The following SMNDC1 variants were observed in gnomAD, a reference collection of about 807,000 sequenced individuals.
The protein encoded by SMNDC1 is survival of motor neuron-related-splicing factor 30.
Under a neutral mutation model 29.2 loss-of-function variants are expected in SMNDC1, and 5 were observed. That is an observed-to-expected ratio of 0.17 (90% CI 0.09 to 0.36). The LOEUF is 0.36. Among genes scored for constraint, SMNDC1 ranks in the 10% least tolerant of loss-of-function variants. The probability of loss-of-function intolerance (pLI) is 1.00; values close to 1 mark genes in which losing one functional copy is unlikely to be tolerated. For synonymous variants in SMNDC1, 80 were observed against 89.9 expected (o/e 0.89, Z 0.62); for missense variants, 142 against 268.5 (o/e 0.53, Z 3.29).
In SMNDC1 at chr10:110,291,617, GAAAC is replaced by G. The variant is rs1019825729; in HGVS notation, c.*2529_*2532del. On this transcript the variant is annotated 3_prime_UTR_variant, in exon 6 of 6. Transcript: ENST00000369603. ...ACATTTGAATTCAATCCTTAAAACT[GAAAC>G]AGATTTTTCCATTCTACAGCTGAGA... 6.6e-6 allele frequency: 1 copy of G among 152,166 alleles called. No individual in the cohort carries two copies. Among genetic ancestry groups the G allele is most frequent in the Non-Finnish European group, 1.5e-5 (1 of 68,036 alleles). 9.4% of individuals were successfully genotyped at this position (152,166 alleles called of 1,614,324 possible).
rs577945441 is a variant in SMNDC1, at chr10:110,293,150, T to A, written c.*1000A>T. On this transcript the variant is annotated 3_prime_UTR_variant, in exon 6 of 6. Coordinates refer to ENST00000369603, the MANE Select transcript of SMNDC1 (RefSeq NM_005871.4). Reference sequence around the variant, plus strand: ...TAATAGGAAGACCCTTTTCTATGCATGTATTTGGCTTAAACTCAACTCAGG... The same window carrying A: ...TAATAGGAAGACCCTTTTCTATGCAAGTATTTGGCTTAAACTCAACTCAGG... 6.5e-6 allele frequency: 1 copy of A among 152,758 alleles called. No individual in the cohort carries two copies. The highest frequency in any genetic ancestry group is 2.1e-4 in the South Asian group (1 of 4,832). 9.5% of individuals were successfully genotyped at this position (152,758 alleles called of 1,614,324 possible). A position where few individuals can be genotyped will look rare whatever the true frequency, so the allele number is the denominator to read the frequency against.
rs1320955365 is a variant in SMNDC1, at chr10:110,294,298, GA to G, written c.580-12del. ...AATACTCCTCTTTACCTAAGGGAAAGAAAACAGAAATCATTCCTGATTAGTG... is the reference window on the plus strand; with the variant it reads ...AATACTCCTCTTTACCTAAGGGAAAGAAACAGAAATCATTCCTGATTAGTG... On this transcript the variant is annotated splice_polypyrimidine_tract_variant and intron_variant, in intron 5 of 5. Transcript: ENST00000369603. 3 of 1,560,794 alleles carry G rather than the reference GA, an allele frequency of 1.9e-6. No homozygotes were observed. Among genetic ancestry groups the G allele is most frequent in the Admixed American group, 2.2e-5 (1 of 46,210 alleles).
At position 110,303,395 on chromosome 10, in the gene SMNDC1, G is replaced by A. The variant is rs181079747; in HGVS notation, c.120+73C>T. Reference sequence around the variant, plus strand: ...GGTGGGGTGTAACCCCTCAAAAGGCGCTTTGGGTACTTAGGGATTCAAGCA... The same window carrying A: ...GGTGGGGTGTAACCCCTCAAAAGGCACTTTGGGTACTTAGGGATTCAAGCA... On this transcript the variant is annotated intron_variant, in intron 2 of 5. Coordinates refer to ENST00000369603, the MANE Select transcript of SMNDC1 (RefSeq NM_005871.4). 40 of 1,414,764 alleles carry A rather than the reference G, an allele frequency of 2.8e-5. No individual in the cohort carries two copies. The African/African-American group carries it at 4.7e-4, about 17-fold the overall frequency. The allele number at this position is 1,414,764 out of a possible 1,614,324, so 87.6% of individuals were successfully genotyped here. A position where few individuals can be genotyped will look rare whatever the true frequency, so the allele number is the denominator to read the frequency against.
intron 5 of SMNDC1, 60 bp from the exon 6 acceptor site, chr10:110,294,347 A>T: frequency 7.5e-7 from 1 of 1,328,334 alleles, no homozygotes; most frequent in Non-Finnish European, 1.0e-6. Context: ...AAAAATTTCA[A>T]ATTTTAAGTA....
At chr10:110,298,332 C>T (rs1391054929) in intron 3 of SMNDC1, among the ~76,000 whole-genome samples, 6 of 152,152 alleles carry the variant, frequency 3.9e-5, no homozygotes, top group Non-Finnish European at 5.9e-5. Context: ...ATGCTCTTCA[C>T]AGAATTCTCA....
At chr10:110,298,008 TG>T (rs1404813472) in intron 3 of SMNDC1, among the ~76,000 whole-genome samples, 1 of 152,218 alleles carries the variant, frequency 6.6e-6, no homozygotes, top group Non-Finnish European at 1.5e-5. Flanking sequence ...TTCTCTTTTT[TG>T]CGACAGAGTC....
intron 5 of SMNDC1, among the ~76,000 whole-genome samples, chr10:110,294,489 TATC>T (rs1484438993): frequency 1.3e-5 from 2 of 152,170 alleles, no homozygotes; most frequent in South Asian, 2.1e-4. Flanking sequence ...TTGTGGAAAA[TATC>T]ATTACATTTA....
rs1006185808 is a variant in SMNDC1 at position 110,293,859 on chromosome 10, C to T, written c.*291G>A. The T allele has an allele frequency of 3.4e-5, 7 of 204,558 alleles. No homozygotes were observed. The highest frequency in any genetic ancestry group is 6.8e-5 in the Non-Finnish European group (7 of 102,942). 12.7% of individuals were successfully genotyped at this position (204,558 alleles called of 1,614,324 possible). ...AAGTACACACCATAGGTTAAGTAGG[C>T]GCCTGATATTAGGAAGATCAATAAT... is the stretch of plus-strand genomic sequence containing the variant. On this transcript the variant is annotated 3_prime_UTR_variant, in exon 6 of 6. Coordinates refer to ENST00000369603, the MANE Select transcript of SMNDC1 (RefSeq NM_005871.4).
chr10:110,299,226 A>G (rs1368529789), intron 2 of SMNDC1, among the ~76,000 whole-genome samples: 1 of 152,236 alleles, frequency 6.6e-6, no homozygotes, highest in Admixed American at 6.5e-5. Flanking sequence ...AAGCAATCCC[A>G]AAACACTTTA....
intron 4 of SMNDC1, among the ~76,000 whole-genome samples, chr10:110,297,051 C>A (rs186865007): frequency 1.3e-5 from 2 of 152,286 alleles, no homozygotes; most frequent in Admixed American, 1.3e-4. Context: ...AACATCATAC[C>A]GCCTTGTAGC....
chr10:110,298,407 C>T (rs1564733839), intron 3 of SMNDC1, among the ~76,000 whole-genome samples: 1 of 151,772 alleles, frequency 6.6e-6, no homozygotes, highest in Non-Finnish European at 1.5e-5. Flanking sequence ...TAGAAAACAC[C>T]CATTCATTGT....
chr10:110,299,077 T>C (rs924803321), intron 2 of SMNDC1, among the ~76,000 whole-genome samples: 7 of 152,230 alleles, frequency 4.6e-5, no homozygotes, highest in African/African-American at 1.4e-4. Context: ...GCATTATTTC[T>C]AAGTGCCTAT....
intron 4 of SMNDC1, 110 bp from the exon 5 acceptor site, chr10:110,295,491 C>A: frequency 1.5e-6 from 1 of 685,376 alleles, no homozygotes; most frequent in Non-Finnish European, 2.3e-6. Context: ...ATACAATGGT[C>A]TATGAATAAA....
intron 2 of SMNDC1, among the ~76,000 whole-genome samples, chr10:110,302,001 C>G (rs1857657615): frequency 6.6e-6 from 1 of 152,190 alleles, no homozygotes; most frequent in Admixed American, 6.5e-5. Flanking sequence ...AAATACCCCT[C>G]CTCCCACTGC....
chr10:110,302,613 T>C (rs781642774), intron 2 of SMNDC1, among the ~76,000 whole-genome samples: 2 of 152,340 alleles, frequency 1.3e-5, no homozygotes, highest in Non-Finnish European at 2.9e-5. Context: ...TTGAGTTTAG[T>C]ACTCAGTCGG....
intron 5 of SMNDC1, among the ~76,000 whole-genome samples, chr10:110,294,632 GC>G (rs2134497729): frequency 6.6e-6 from 1 of 152,294 alleles, no homozygotes; most frequent in South Asian, 2.1e-4. Context: ...TTACTGTGGG[GC>G]CTGTTATGAT....
At chr10:110,300,167 C>T (rs1857624435) in intron 2 of SMNDC1, among the ~76,000 whole-genome samples, 1 of 152,214 alleles carries the variant, frequency 6.6e-6, no homozygotes, top group Admixed American at 6.5e-5. Context: ...TCATTAAATA[C>T]TTCCAGATCC....
chr10:110,297,416 A>G, intron 4 of SMNDC1, 151 bp downstream of exon 4: 2 of 684,836 alleles, frequency 2.9e-6, no homozygotes, highest in Middle Eastern at 3.8e-4. Context: ...AGGCACACTT[A>G]CACAGACAAT....
intron 3 of SMNDC1, among the ~76,000 whole-genome samples, chr10:110,297,972 G>A (rs1181191578): frequency 2.0e-5 from 3 of 152,138 alleles, no homozygotes; most frequent in Non-Finnish European, 2.9e-5. Context: ...GTGATTTAAT[G>A]TCTTTGAGAA....
Sources: allele counts gnomAD v4.1 joint callset (sites outside exome capture counted in the v4.1 genomes callset), GRCh38; gene constraint gnomAD v4.1.1; transcripts MANE v1.5; gene names NCBI Gene and HGNC (gene_info 2026-07-23, HGNC 2026-07-21).